CGREF1: variants seen among roughly 807,000 people sequenced by gnomAD.
CGREF1 encodes the protein cell growth regulator with EF hand domain protein 1.
Under a neutral mutation model 17.4 loss-of-function variants are expected in CGREF1, and 16 were observed. The observed-to-expected ratio is 0.92, with a 90% CI of 0.62 to 1.40. The LOEUF is 1.40. Ranked by LOEUF, CGREF1 falls within the 40% of genes most tolerant of loss-of-function variation. CGREF1 has a pLI of 0.00. For synonymous variants in CGREF1, 142 were observed against 154.6 expected (o/e 0.92, Z 0.61); for missense variants, 296 against 376.4 (o/e 0.79, Z 1.77).
intron 1 of CGREF1, among the ~76,000 whole-genome samples, chr2:27,105,335 T>C (rs1247704755): frequency 6.6e-6 from 1 of 152,162 alleles, no homozygotes; most frequent in East Asian, 1.9e-4. Context: ...CAGCAGATTC[T>C]CCAAGCAACC....
At chr2:27,101,926 G>A (rs1211249980) in intron 5 of CGREF1, 38 bp from the exon 6 acceptor site, 1 of 1,600,078 alleles carries the variant, frequency 6.2e-7, no homozygotes, top group South Asian at 1.1e-5. Context: ...TCCAGGGACA[G>A]AGATGTTCCC....
chr2:27,118,757 AGGCTGGAG>A (rs1217333311), intron 1 of CGREF1, 81 bp downstream of exon 1: 1 of 152,280 alleles, frequency 6.6e-6, no homozygotes, highest in Admixed American at 6.5e-5. Flanking sequence ...TCTGGACCAG[AGGCTGGAG>A]GCCACCTACC....
At chr2:27,106,764 G>A (rs1445732844) in intron 1 of CGREF1, among the ~76,000 whole-genome samples, 1 of 152,148 alleles carries the variant, frequency 6.6e-6, no homozygotes, top group African/African-American at 2.4e-5. Flanking sequence ...CTACAGGCAT[G>A]TGCCACCATG....
In CGREF1 at chr2:27,100,994, G is replaced by T; in HGVS notation, c.*280C>A. On this transcript the variant is annotated 3_prime_UTR_variant, in exon 6 of 6. Transcript: ENST00000402394. ...TGAGGCCCAGAAACACTGGGCAGGCGGCATCCCTGTCCTTTCGGTCCCCAA... is the reference window on the plus strand; with the variant it reads ...TGAGGCCCAGAAACACTGGGCAGGCTGCATCCCTGTCCTTTCGGTCCCCAA... 3 of 1,238,062 alleles carry T rather than the reference G, an allele frequency of 2.4e-6. No individual in the cohort carries two copies. The highest frequency in any genetic ancestry group is 3.6e-5 in the East Asian group (1 of 27,916). The allele number at this position is 1,238,062 out of a possible 1,614,324, so 76.7% of individuals were successfully genotyped here.
chr2:27,111,925 G>C (rs1269866141), intron 1 of CGREF1, among the ~76,000 whole-genome samples: 1 of 152,200 alleles, frequency 6.6e-6, no homozygotes, highest in African/African-American at 2.4e-5. Flanking sequence ...ACAGTGCAAC[G>C]GTGGGCTGAA....
rs984594723 is a variant in CGREF1 at position 27,113,591 on chromosome 2, G to T, written c.-12+5255C>A. Among the ~76,000 whole-genome samples the T allele has an allele frequency of 1.1e-4, 16 of 152,144 alleles. No individual in the cohort carries two copies. The East Asian group carries it at 3.1e-3, about 29-fold the overall frequency. On this transcript the variant is annotated intron_variant, in intron 1 of 5. Transcript: ENST00000402394. ...AGGTGGTACGGCCCAAAGTTGGGGG[G>T]TATGGGCCCTGACCTCAGGCTGCCT...
chr2:27,113,895 C>G (rs933246202), intron 1 of CGREF1, among the ~76,000 whole-genome samples: 5 of 152,118 alleles, frequency 3.3e-5, no homozygotes, highest in Non-Finnish European at 7.3e-5. Flanking sequence ...CTGCTAGGAC[C>G]CAGGCCGACA....
intron 1 of CGREF1, among the ~76,000 whole-genome samples, chr2:27,112,870 G>T (rs1671441463): frequency 6.6e-6 from 1 of 152,212 alleles, no homozygotes; most frequent in Non-Finnish European, 1.5e-5. Flanking sequence ...GAGAACTGAA[G>T]GAATTGCCGC....
chr2:27,104,514 G>T, intron 1 of CGREF1, 137 bp from the exon 2 acceptor site: 2 of 1,551,162 alleles, frequency 1.3e-6, no homozygotes, highest in Non-Finnish European at 1.7e-6. Flanking sequence ...TGCTCAGGGA[G>T]GACTCACAGA....
At chr2:27,103,542 G>A (rs1670994533) in intron 2 of CGREF1, among the ~76,000 whole-genome samples, 1 of 151,860 alleles carries the variant, frequency 6.6e-6, no homozygotes, top group Admixed American at 6.5e-5. Flanking sequence ...CCGGCTAATT[G>A]TTTTTTATTT....
At chr2:27,100,039 C>T, downstream of CGREF1, 1 of 646,624 alleles carries the variant, frequency 1.5e-6, no homozygotes, top group Non-Finnish European at 2.7e-6. Context: ...GATCCTCCCT[C>T]TTTGTGTCCA....
chr2:27,105,477 GAA>G (rs1225044685), intron 1 of CGREF1, among the ~76,000 whole-genome samples: 1 of 152,184 alleles, frequency 6.6e-6, no homozygotes, highest in Non-Finnish European at 1.5e-5. Context: ...TACCTTAAGG[GAA>G]AACTAGCTAA....
At chr2:27,111,000 A>T (rs908854111) in intron 1 of CGREF1, 1 of 152,404 alleles carries the variant, frequency 6.6e-6, no homozygotes. Flanking sequence ...GTTACAGCTC[A>T]TAAAGGCAGT....
rs1242813990 is a variant in CGREF1 at position 27,104,325 on chromosome 2, G to GAGC, written c.39_41dup (p.Leu14dup). The GAGC allele has an allele frequency of 6.3e-7, 1 of 1,589,734 alleles. No individual in the cohort carries two copies. Among genetic ancestry groups the GAGC allele is most frequent in the East Asian group, 2.2e-5 (1 of 44,726 alleles). On this transcript the variant is annotated inframe_insertion, in exon 2 of 6. Coordinates refer to ENST00000402394, the MANE Select transcript of CGREF1 (RefSeq NM_006569.6). Reference sequence around the variant, plus strand: ...CCTTTGGGGCAGCCTGACCCGTGGGGAGCAGCAGCAGGATTAACACTGTCA... The same window carrying GAGC: ...CCTTTGGGGCAGCCTGACCCGTGGGGAGCAGCAGCAGCAGGATTAACACTGTCA...
Position 27,103,795 on chromosome 2 carries a change from C to A in CGREF1, c.80+492G>T, listed in dbSNP as rs1005854551. On this transcript the variant is annotated intron_variant, in intron 2 of 5. Transcript: ENST00000402394. The stretch of plus-strand genomic sequence containing the variant: ...GTCAAGAGTTCGAGACCAGCCTGGC[C>A]AACATGGTGAAACCCCACCTCTACT... Among the ~76,000 whole-genome samples the A allele has an allele frequency of 1.3e-5, 2 of 150,200 alleles. 1 individual carries two copies. The highest frequency in any genetic ancestry group is 1.3e-4 in the Admixed American group (2 of 15,076).
Position 27,104,345 on chromosome 2 carries a change from C to T in CGREF1, c.22G>A (p.Val8Met). 1 of 1,607,534 alleles carries T rather than the reference C, an allele frequency of 6.2e-7. No individual in the cohort carries two copies. Among genetic ancestry groups the T allele is most frequent in the African/African-American group, 1.3e-5 (1 of 74,984 alleles). ...GTGGGGAGCAGCAGCAGGATTAACA[C>T]TGTCATCGTCAAAGGTAACATCCTT... MLPLTMTVLILLLLPTGQ... is the reference protein window; with the variant it reads MLPLTMTMLILLLLPTGQ... Residue 8 changes from valine to methionine, a missense_variant, in exon 2 of 6, where the codon GTG (valine) becomes ATG (methionine). Physicochemically the swap from Val to Met is conservative, Grantham distance 21. Transcript: ENST00000402394.
chr2:27,104,409 G>A (rs1193996960), intron 1 of CGREF1, 32 bp from the exon 2 acceptor site: 1 of 1,610,486 alleles, frequency 6.2e-7, no homozygotes, highest in African/African-American at 1.3e-5. Context: ...GGGGTCGGGG[G>A]AAAGAGGCGT....
chr2:27,109,371 T>TA (rs11314590), intron 1 of CGREF1, among the ~76,000 whole-genome samples: 71,648 of 133,648 alleles, frequency 0.54, 19,729 homozygotes, highest in East Asian at 0.76. Context: ...GACCCTGTCT[T>TA]AAAAAAAAAA....
chr2:27,116,223 CAAAA>C (rs34733143), intron 1 of CGREF1, among the ~76,000 whole-genome samples: 1 of 104,228 alleles, frequency 9.6e-6, no homozygotes, highest in Admixed American at 9.8e-5. Context: ...AAGATGCCAC[CAAAA>C]AAAAAAAAAA....
Sources: allele counts gnomAD v4.1 joint callset (sites outside exome capture counted in the v4.1 genomes callset), GRCh38; gene constraint gnomAD v4.1.1; transcripts MANE v1.5; gene names NCBI Gene and HGNC (gene_info 2026-07-23, HGNC 2026-07-21).